TNRC18: variants seen among roughly 807,000 people sequenced by gnomAD.
TNRC18 encodes the protein trinucleotide repeat-containing gene 18 protein.
Under a neutral mutation model 226.7 loss-of-function variants are expected in TNRC18, and 69 were observed. The observed-to-expected ratio is 0.30, with a 90% CI of 0.25 to 0.37. TNRC18 has a LOEUF of 0.37. Ranked by LOEUF, TNRC18 falls within the 10% of genes least tolerant of loss-of-function variation. TNRC18 has a pLI of 1.00. For missense variants in TNRC18, 4,754 were observed against 4,256.6 expected (o/e 1.12, Z -3.25); for synonymous variants, 2,449 against 1,927.6 (o/e 1.27, Z -7.09).
intron 16 of TNRC18, among the ~76,000 whole-genome samples, chr7:5,353,820 C>T (rs557429051): frequency 5.1e-4 from 78 of 152,334 alleles, no homozygotes; most frequent in African/African-American, 1.7e-3. Flanking sequence ...GCCAGGCCCA[C>T]TGAATTCCTC....
chr7:5,341,002 T>C (rs1290670384), intron 18 of TNRC18, among the ~76,000 whole-genome samples: 1 of 152,166 alleles, frequency 6.6e-6, no homozygotes, highest in African/African-American at 2.4e-5. Flanking sequence ...AGCCCGACTT[T>C]TGCTGGGGGC....
rs866200473 is a variant in TNRC18 at position 5,388,520 on chromosome 7, G to C, written c.1304C>G (p.Ser435Trp). The C allele has an allele frequency of 3.0e-6, 4 of 1,323,978 alleles. No individual in the cohort carries two copies. The highest frequency in any genetic ancestry group is 4.8e-4 in the Middle Eastern group (2 of 4,166). The allele number at this position is 1,323,978 out of a possible 1,614,324, so 82.0% of individuals were successfully genotyped here. A position where few individuals can be genotyped will look rare whatever the true frequency, so the allele number is the denominator to read the frequency against. ...GLREKNSVIR[S>W]LKRPPPADAP... ...ATCCGCGGGGGGCGGCCGCTTGAGC[G>C]AGCGGATGACCGAGTTCTTCTCGCG... The change falls in exon 5 of 30, where the codon TCG (serine) becomes TGG (tryptophan). Residue 435 changes from serine (S) to tryptophan (W), a missense_variant. Coordinates refer to ENST00000430969, the MANE Select transcript of TNRC18 (RefSeq NM_001080495.3).
intron 5 of TNRC18, among the ~76,000 whole-genome samples, chr7:5,385,518 GA>G (rs1240607187): frequency 4.1e-4 from 35 of 84,620 alleles, no homozygotes; most frequent in African/African-American, 1.5e-3. Context: ...AAAAAAAAAA[GA>G]AAAAAAAATA....
intron 5 of TNRC18, among the ~76,000 whole-genome samples, chr7:5,380,603 A>C (rs1779333431): frequency 6.6e-6 from 1 of 152,088 alleles, no homozygotes; most frequent in Non-Finnish European, 1.5e-5. Flanking sequence ...GCGCCTGGAC[A>C]CGGGCCTCCA....
At position 5,421,238 on chromosome 7, in the gene TNRC18, G is replaced by A. The variant is rs1428265645; in HGVS notation, c.9C>T (p.Gly3=). The change falls in exon 2 of 30, where the codon GGC becomes GGT. Residue 3 remains glycine, a synonymous_variant. Coordinates refer to ENST00000430969, the MANE Select transcript of TNRC18 (RefSeq NM_001080495.3). The part of the protein sequence containing the change: MD[G]RDFGPQRSVH... Reference sequence around the variant, plus strand: ...CGGACCGCTGGGGCCCGAAGTCTCGGCCATCCATCCTCCGCGGGAGTGCCG... The same window carrying A: ...CGGACCGCTGGGGCCCGAAGTCTCGACCATCCATCCTCCGCGGGAGTGCCG... 16 of 1,301,444 alleles carry A rather than the reference G, an allele frequency of 1.2e-5. No homozygotes were observed. Among genetic ancestry groups the A allele is most frequent in the Non-Finnish European group, 9.8e-6 (10 of 1,021,690 alleles). 80.6% of individuals were successfully genotyped at this position (1,301,444 alleles called of 1,614,324 possible). A position where few individuals can be genotyped will look rare whatever the true frequency, so the allele number is the denominator to read the frequency against.
chr7:5,356,716 G>A (rs1302091992), intron 16 of TNRC18, among the ~76,000 whole-genome samples, 200 bp downstream of exon 16: 1 of 152,102 alleles, frequency 6.6e-6, no homozygotes, highest in Non-Finnish European at 1.5e-5. Context: ...GCCAGTCACA[G>A]GCATATCCGC....
rs757300480 is a variant in TNRC18 at position 5,377,041 on chromosome 7, G to A, written c.2462-48C>T. 270 of 1,540,996 alleles carry A rather than the reference G, an allele frequency of 1.8e-4. No individual in the cohort carries two copies. Among genetic ancestry groups the A allele is most frequent in the East Asian group, 3.4e-4 (14 of 41,148 alleles). ...GAGTCAGTGCTGGGAGCCCCCAAGC[G>A]GTTTGTCCTCGGGCAGCCCCAGCCC... On this transcript the variant is annotated intron_variant, in intron 7 of 29. Coordinates refer to ENST00000430969, the MANE Select transcript of TNRC18 (RefSeq NM_001080495.3). The surrounding 1 kb of genome is among the most constrained non-coding windows in gnomAD (Gnocchi z 5.8).
At chr7:5,325,359 C>T in intron 19 of TNRC18, 111 bp from the exon 20 acceptor site, 2 of 1,276,010 alleles carry the variant, frequency 1.6e-6, no homozygotes, top group Middle Eastern at 2.3e-4. Context: ...CCAAGTGCGC[C>T]CTCCCAGGAG....
chr7:5,361,298 AGG>A (rs1339501285), intron 14 of TNRC18, among the ~76,000 whole-genome samples: 2 of 151,882 alleles, frequency 1.3e-5, no homozygotes, highest in African/African-American at 2.4e-5. Context: ...CGTGGAAAAG[AGG>A]AGGAATTAGG....
rs770639571 is a variant in TNRC18, at chr7:5,376,176, T to C, written c.2657A>G (p.Tyr886Cys). 3.2e-6 allele frequency: 5 copies of C among 1,563,498 alleles called. No individual in the cohort carries two copies. The highest frequency in any genetic ancestry group is 4.3e-6 in the Non-Finnish European group (5 of 1,156,578). Residue 886 changes from tyrosine to cysteine, a missense_variant, in exon 9 of 30, where the codon TAC (tyrosine) becomes TGC (cysteine). By Grantham distance (194) the Tyr-to-Cys change is radical. Coordinates refer to ENST00000430969, the MANE Select transcript of TNRC18 (RefSeq NM_001080495.3). ...GTGCAGGGGGCTGCGGCCCGGCGGG[T>C]ACAGGGCGGGCCAGAGGGGCGGTAC... is the stretch of plus-strand genomic sequence containing the variant. ...ATVPPLWPAL[Y>C]PPGRSPLHHA... is the part of the protein sequence containing the mutation.
intron 19 of TNRC18, among the ~76,000 whole-genome samples, chr7:5,327,405 G>GTA (rs1267817143): frequency 1.5e-3 from 220 of 150,674 alleles, no homozygotes; most frequent in Non-Finnish European, 2.5e-3. Context: ...GTGTGTGTGT[G>GTA]TGTGTGTCTG....
chr7:5,344,737 C>A (rs1048635701), intron 18 of TNRC18, among the ~76,000 whole-genome samples: 2 of 152,156 alleles, frequency 1.3e-5, no homozygotes, highest in African/African-American at 4.8e-5. Flanking sequence ...GAACTCAGAG[C>A]CTGAACACAT....
chr7:5,406,255 G>C (rs575154631), intron 2 of TNRC18, among the ~76,000 whole-genome samples: 1 of 151,706 alleles, frequency 6.6e-6, no homozygotes, highest in Non-Finnish European at 1.5e-5. Context: ...TCGAAGTCAG[G>C]AGTTGGAGAC....
At position 5,389,063 on chromosome 7, in the gene TNRC18, C is replaced by A. The variant is rs2128195029; in HGVS notation, c.761G>T (p.Gly254Val). 7.8e-7 allele frequency: 1 copy of A among 1,284,310 alleles called. No individual in the cohort carries two copies. The highest frequency in any genetic ancestry group is 9.9e-7 in the Non-Finnish European group (1 of 1,007,700). 79.6% of individuals were successfully genotyped at this position (1,284,310 alleles called of 1,614,324 possible). A position where few individuals can be genotyped will look rare whatever the true frequency, so the allele number is the denominator to read the frequency against. Residue 254 changes from glycine to valine, a missense_variant, in exon 5 of 30, where the codon GGG becomes GTG. Physicochemically the swap from Gly to Val is moderately radical, Grantham distance 109. Coordinates refer to ENST00000430969, the MANE Select transcript of TNRC18 (RefSeq NM_001080495.3). The part of the protein sequence containing the change: ...EARAEGRQDR[G>V]PPRLAERLSP... ...CAGGCGCTCAGCCAGGCGCGGGGGC[C>A]CCCGGTCCTGGCGGCCCTCGGCGCG...
chr7:5,317,553 C>A (rs1023370655), intron 24 of TNRC18, among the ~76,000 whole-genome samples: 1 of 151,496 alleles, frequency 6.6e-6, no homozygotes, highest in Non-Finnish European at 1.5e-5. Flanking sequence ...ATCACTGCAC[C>A]GCACTCTGGC....
chr7:5,420,733 C>T (rs1444635379), intron 2 of TNRC18: 9 of 582,094 alleles, frequency 1.5e-5, no homozygotes, highest in Non-Finnish European at 2.9e-5. Context: ...GTTCTTTTCT[C>T]GCCCAGATTT....
At position 5,313,166 on chromosome 7, in the gene TNRC18, G is replaced by C; in HGVS notation, c.7725C>G (p.Ser2575Arg). 6.5e-7 allele frequency: 1 copy of C among 1,536,628 alleles called. No homozygotes were observed. The highest frequency in any genetic ancestry group is 2.4e-5 in the East Asian group (1 of 40,848). The change falls in exon 27 of 30, where the codon AGC (serine) becomes AGG (arginine). Residue 2575 changes from serine to arginine, a missense_variant. Physicochemically the swap from Ser to Arg is moderately radical, Grantham distance 110 (BLOSUM62 -1). Transcript: ENST00000430969. The stretch of plus-strand genomic sequence containing the variant: ...CCCCTTCTGTCTCCGAGCCGCTGCT[G>C]CTGCTGCTGCTGCTGCTGCTACTGC... ...SGSSSSSSSSSSSGSETEGEE... is the reference protein window; with the variant it reads ...SGSSSSSSSSRSSGSETEGEE...
intron 3 of TNRC18, among the ~76,000 whole-genome samples, chr7:5,392,892 G>C (rs536310784): frequency 1.3e-5 from 2 of 151,908 alleles, no homozygotes; most frequent in East Asian, 3.9e-4. Context: ...TGCACCTGTA[G>C]TCGCAGCTAC....
rs756553070 is a variant in TNRC18, at chr7:5,332,784, C to T, written c.5985G>A (p.Thr1995=). The change falls in exon 19 of 30, where the codon ACG becomes ACA. Residue 1995 remains threonine (T), a synonymous_variant. Transcript: ENST00000430969. Reference sequence around the variant, plus strand: ...GGAAGATGCGCTCGCTGCGGCGCCGCGTCCACAGGTCGTCGTCGCTGGCCT... The same window carrying T: ...GGAAGATGCGCTCGCTGCGGCGCCGTGTCCACAGGTCGTCGTCGCTGGCCT... ...GPEASDDDLW[T]RRRSERIFLH... is the part of the protein sequence containing the mutation. 1.1e-5 allele frequency: 16 copies of T among 1,513,160 alleles called. No individual in the cohort carries two copies. The highest frequency in any genetic ancestry group is 7.2e-5 in the African/African-American group (5 of 69,636). The allele number at this position is 1,513,160 out of a possible 1,614,324, so 93.7% of individuals were successfully genotyped here.
Sources: allele counts gnomAD v4.1 joint callset (sites outside exome capture counted in the v4.1 genomes callset), GRCh38; gene constraint gnomAD v4.1.1; non-coding constraint Gnocchi (gnomAD v3.1); transcripts MANE v1.5; gene names NCBI Gene and HGNC (gene_info 2026-07-23, HGNC 2026-07-21).